The following TMEM17 variants were observed in gnomAD, a reference collection of about 807,000 sequenced individuals.
The protein encoded by TMEM17 is transmembrane protein 17.
Under a neutral mutation model 19.1 loss-of-function variants are expected in TMEM17, and 15 were observed. The observed-to-expected ratio is 0.78, with a 90% CI of 0.52 to 1.21. The LOEUF (loss-of-function observed/expected upper bound fraction) is 1.21, where lower values mean the gene tolerates loss of function less well. Among genes scored for constraint, TMEM17 ranks in the 50% most tolerant of loss-of-function variants. The pLI, the probability that TMEM17 is intolerant of heterozygous loss-of-function variation, is 0.00. For missense variants in TMEM17, 245 were observed against 242.3 expected (o/e 1.01, Z -0.07); for synonymous variants, 103 against 86.9 (o/e 1.19, Z -1.03).
At chr2:62,473,762 G>A in the TMEM17 span, among the ~76,000 whole-genome samples, 1 of 152,246 alleles carries the variant, frequency 6.6e-6, no homozygotes, top group Non-Finnish European at 1.5e-5. Flanking sequence ...CAAAGGACAT[G>A]TTGGTGGAAC....
Position 62,506,145 on chromosome 2 carries a change from T to TA in TMEM17, c.-17_-16insT, listed in dbSNP as rs1558725471. The TA allele has an allele frequency of 1.3e-6, 2 of 1,595,376 alleles. No individual in the cohort carries two copies. The highest frequency in any genetic ancestry group is 2.7e-5 in the African/African-American group (2 of 73,548). ...GCAGCTCCATGCCTGGGCCTCAGTA[T>TA]CCCTCACCCCCTCAGACACGGGCTA... On this transcript the variant is annotated 5_prime_UTR_variant, in exon 1 of 4. Coordinates refer to ENST00000335390, the MANE Select transcript of TMEM17 (RefSeq NM_198276.3).
At chr2:62,462,210 A>G in the TMEM17 span, among the ~76,000 whole-genome samples, 20 of 150,298 alleles carry the variant, frequency 1.3e-4, 1 homozygote, top group South Asian at 2.3e-3. Context: ...CCCACATCAC[A>G]CTCTCTGACC....
In TMEM17 at chr2:62,506,132, C is replaced by G. The variant is rs781044051; in HGVS notation, c.-3G>C. 1 of 1,606,432 alleles carries G rather than the reference C, an allele frequency of 6.2e-7. No homozygotes were observed. Among genetic ancestry groups the G allele is most frequent in the Non-Finnish European group, 8.5e-7 (1 of 1,176,886 alleles). The stretch of plus-strand genomic sequence containing the variant: ...CGCACCGGATCCGGCAGCTCCATGC[C>G]TGGGCCTCAGTATCCCTCACCCCCT... On this transcript the variant is annotated 5_prime_UTR_variant, in exon 1 of 4. Coordinates refer to ENST00000335390, the MANE Select transcript of TMEM17 (RefSeq NM_198276.3).
In TMEM17 at chr2:62,502,716, C is replaced by T. The variant is rs143642405; in HGVS notation, c.179G>A (p.Ser60Asn). 5 of 1,608,444 alleles carry T rather than the reference C, an allele frequency of 3.1e-6. No homozygotes were observed. The highest frequency in any genetic ancestry group is 4.2e-6 in the Non-Finnish European group (5 of 1,178,150). ...CTTCATGTGAAGCATCATAATGCTGCTCACCCACCACAGTGGGAAATAGTA... is the reference window on the plus strand; with the variant it reads ...CTTCATGTGAAGCATCATAATGCTGTTCACCCACCACAGTGGGAAATAGTA... Reference protein sequence around the residue: ...NTYYFPLWWVSSIMMLHMKYS... With the variant: ...NTYYFPLWWVNSIMMLHMKYS... Residue 60 changes from serine to asparagine, a missense_variant, in exon 2 of 4, where the codon AGC becomes AAC. Ser to Asn is a conservative substitution (Grantham distance 46, BLOSUM62 1). Transcript: ENST00000335390.
chr2:62,467,024 A>C, the TMEM17 span, among the ~76,000 whole-genome samples: 6 of 152,110 alleles, frequency 3.9e-5, no homozygotes, highest in Admixed American at 2.6e-4. Flanking sequence ...TCTGTTGCCC[A>C]GGTTAATAGG....
At chr2:62,477,983 A>G in the TMEM17 span, among the ~76,000 whole-genome samples, 27 of 152,262 alleles carry the variant, frequency 1.8e-4, no homozygotes, top group African/African-American at 6.0e-4. Flanking sequence ...TGGATCCTAC[A>G]GCTCCCCAGT....
the TMEM17 span, among the ~76,000 whole-genome samples, chr2:62,480,721 G>C: frequency 2.6e-5 from 4 of 152,210 alleles, no homozygotes; most frequent in Admixed American, 2.0e-4. Context: ...ACTGGCTATA[G>C]ATACATGGAC....
the TMEM17 span, among the ~76,000 whole-genome samples, chr2:62,457,332 G>T: frequency 6.6e-6 from 1 of 152,218 alleles, no homozygotes; most frequent in Non-Finnish European, 1.5e-5. The surrounding 1 kb of genome is among the most constrained non-coding windows in gnomAD (Gnocchi z 4.2). Flanking sequence ...GCAGCCAGGA[G>T]TGGACGGTTG....
chr2:62,465,337 G>A, the TMEM17 span, among the ~76,000 whole-genome samples: 2 of 152,168 alleles, frequency 1.3e-5, no homozygotes, highest in Non-Finnish European at 2.9e-5. Context: ...TAATAGTATT[G>A]TACCAATATT....
At chr2:62,466,437 C>T in the TMEM17 span, among the ~76,000 whole-genome samples, 65 of 152,282 alleles carry the variant, frequency 4.3e-4, no homozygotes, top group Non-Finnish European at 8.2e-4. Context: ...CATTCAACGT[C>T]GGCTGGGAAG....
At position 62,502,444 on chromosome 2, in the gene TMEM17, T is replaced by A; in HGVS notation, c.311A>T (p.Gln104Leu). The A allele has an allele frequency of 6.3e-7, 1 of 1,599,100 alleles. No homozygotes were observed. Among genetic ancestry groups the A allele is most frequent in the African/African-American group, 1.3e-5 (1 of 74,620 alleles). ...RLYLGYVGNL[Q>L]EKVPELAGFW... ...AAGGAAAAAAGAGCTTACCTTCTCC[T>A]GTAGGTTACCCACGTAGCCCAGATA... The change falls in exon 3 of 4, where the codon CAG becomes CTG. Residue 104 changes from glutamine to leucine, a missense_variant. Transcript: ENST00000335390.
intron 1 of TMEM17, 71 bp from the exon 2 acceptor site, chr2:62,502,865 C>T (rs912427941): frequency 1.6e-5 from 14 of 850,418 alleles, no homozygotes; most frequent in Admixed American, 8.6e-5. Flanking sequence ...TATCCTATTC[C>T]CTAGAATTAA....
At chr2:62,478,290 G>T in the TMEM17 span, among the ~76,000 whole-genome samples, 5 of 152,182 alleles carry the variant, frequency 3.3e-5, no homozygotes, top group Non-Finnish European at 4.4e-5. Context: ...GGATGGAAAT[G>T]CTTCCTTTCT....
chr2:62,502,895 G>T, intron 1 of TMEM17, 101 bp from the exon 2 acceptor site: 2 of 571,074 alleles, frequency 3.5e-6, no homozygotes, highest in Non-Finnish European at 5.6e-6. Context: ...TATTGGCTCA[G>T]TAAAACACCA....
downstream of TMEM17, among the ~76,000 whole-genome samples, chr2:62,498,637 A>G (rs1356822094): frequency 6.2e-5 from 9 of 145,594 alleles, no homozygotes; most frequent in South Asian, 2.1e-4. Context: ...AATGGCGTGA[A>G]CCCGGGAGGC....
chr2:62,463,384 A>C, the TMEM17 span: 1 of 152,234 alleles, frequency 6.6e-6, no homozygotes, highest in Non-Finnish European at 1.5e-5. Flanking sequence ...CCCTCGTAAA[A>C]TACAAAATCA....
the TMEM17 span, among the ~76,000 whole-genome samples, chr2:62,462,515 T>C: frequency 6.6e-6 from 1 of 152,162 alleles, no homozygotes; most frequent in Non-Finnish European, 1.5e-5. Context: ...ACCTCTGCTT[T>C]TGCTTACAAT....
At chr2:62,498,653 T>C (rs1407408536), downstream of TMEM17, among the ~76,000 whole-genome samples, 1 of 135,798 alleles carries the variant, frequency 7.4e-6, no homozygotes, top group Non-Finnish European at 1.6e-5. Flanking sequence ...GAGGCGGAGC[T>C]TGCAGTGAGC....
In TMEM17 at chr2:62,506,102, G is replaced by A. The variant is rs1680068948; in HGVS notation, c.28C>T (p.Arg10Trp). MELPDPVRQ[R>W]LGNFSRAVFS... ...ACGGCCCGGCTGAAGTTTCCCAGCC[G>A]CTGGCGCACCGGATCCGGCAGCTCC... The change falls in exon 1 of 4, where the codon CGG (arginine) becomes TGG (tryptophan). Residue 10 changes from arginine (R) to tryptophan (W), a missense_variant. Transcript: ENST00000335390. 2 of 1,610,808 alleles carry A rather than the reference G, an allele frequency of 1.2e-6. No individual in the cohort carries two copies. Among genetic ancestry groups the A allele is most frequent in the African/African-American group, 1.3e-5 (1 of 74,634 alleles).
Sources: gnomAD v4.1 joint callset for allele counts (sites outside exome capture counted in the v4.1 genomes callset) on GRCh38, gnomAD v4.1.1 for gene constraint, Gnocchi (gnomAD v3.1) non-coding constraint, MANE v1.5 for transcripts, NCBI Gene and HGNC (gene_info 2026-07-23, HGNC 2026-07-21) for gene names.